NLRP1: variants seen among roughly 807,000 people sequenced by gnomAD.
The protein encoded by NLRP1 is NACHT, LRR and PYD domains-containing protein 1.
Under a neutral mutation model 136.7 loss-of-function variants are expected in NLRP1, and 94 were observed. The observed-to-expected ratio is 0.69, with a 90% CI of 0.58 to 0.82. NLRP1 has a LOEUF of 0.82. Among genes scored for constraint, NLRP1 ranks in the 40% least tolerant of loss-of-function variants. The pLI is 0.00. For synonymous variants in NLRP1, 690 were observed against 725.1 expected (o/e 0.95, Z 0.78); for missense variants, 1,575 against 1,802.7 (o/e 0.87, Z 2.29).
chr17:5,549,150 C>T (rs545731123), intron 5 of NLRP1, among the ~76,000 whole-genome samples: 6 of 152,236 alleles, frequency 3.9e-5, no homozygotes, highest in Admixed American at 3.3e-4. Flanking sequence ...TCTCTGTATA[C>T]AAGTTTTCTT....
In NLRP1 at chr17:5,527,378, C is replaced by T. The variant is rs149708865; in HGVS notation, c.3520+3103G>A. ...GCCGCAGGTTGTACAAGCTTGTGTA[C>T]GGAGTCCAAAGGGAGTAAATCCTAT... is the stretch of plus-strand genomic sequence containing the variant. On this transcript the variant is annotated intron_variant, in intron 12 of 16. Transcript: ENST00000572272. Among the ~76,000 whole-genome samples, 68 of 152,270 alleles carry T rather than the reference C, an allele frequency of 4.5e-4. No individual in the cohort carries two copies. In the East Asian group the frequency reaches 0.011, roughly 25 times the overall value.
At chr17:5,506,141 G>A (rs962952283) in intron 15 of NLRP1, among the ~76,000 whole-genome samples, 12 of 151,766 alleles carry the variant, frequency 7.9e-5, no homozygotes, top group Admixed American at 2.6e-4. Flanking sequence ...AAAATTAGCT[G>A]GGCATGGGGG....
chr17:5,577,535 A>G (rs1905140522), intron 3 of NLRP1, among the ~76,000 whole-genome samples: 1 of 152,248 alleles, frequency 6.6e-6, no homozygotes, highest in Non-Finnish European at 1.5e-5. Context: ...TAAAATACCT[A>G]GCAATCCAAC....
At position 5,583,600 on chromosome 17, in the gene NLRP1, G is replaced by T; in HGVS notation, c.271+87C>A. ...TGCTCAGAGGAAGGCCTGGCAGGGA[G>T]GGCTCAGTGGTGGGGTCCCAAGAGG... On this transcript the variant is annotated intron_variant, in intron 1 of 16. Coordinates refer to ENST00000572272, the MANE Select transcript of NLRP1 (RefSeq NM_033004.4). The surrounding 1 kb of genome is among the most constrained non-coding windows in gnomAD (Gnocchi z 4.5). 1.5e-6 allele frequency: 2 copies of T among 1,343,592 alleles called. No individual in the cohort carries two copies. Among genetic ancestry groups the T allele is most frequent in the Non-Finnish European group, 1.0e-6 (1 of 990,484 alleles). The allele number at this position is 1,343,592 out of a possible 1,614,324, so 83.2% of individuals were successfully genotyped here.
intron 3 of NLRP1, among the ~76,000 whole-genome samples, chr17:5,569,722 A>G (rs1915676023): frequency 6.6e-6 from 1 of 151,872 alleles, no homozygotes; most frequent in Non-Finnish European, 1.5e-5. Context: ...AAGGCAGAAT[A>G]CTAACAAAGA....
At chr17:5,509,911 G>A (rs1353714548), downstream of NLRP1, among the ~76,000 whole-genome samples, 1 of 152,140 alleles carries the variant, frequency 6.6e-6, no homozygotes, top group East Asian at 1.9e-4. Context: ...TGAACACAGT[G>A]ATCCTGGAAG....
intron 3 of NLRP1, among the ~76,000 whole-genome samples, chr17:5,574,272 A>G (rs1040577804): frequency 6.6e-6 from 1 of 152,204 alleles, no homozygotes; most frequent in Non-Finnish European, 1.5e-5. Flanking sequence ...GAGTAAAAAG[A>G]AACGAACAAA....
chr17:5,553,541 T>G lies in NLRP1; in HGVS notation c.2373A>C (p.Pro791=), dbSNP rs758188799. 1 of 1,614,066 alleles carries G rather than the reference T, an allele frequency of 6.2e-7. No individual in the cohort carries two copies. Among genetic ancestry groups the G allele is most frequent in the Non-Finnish European group, 8.5e-7 (1 of 1,179,916 alleles). Residue 791 remains proline, a synonymous_variant, in exon 5 of 17, where the codon CCA becomes CCC. Transcript: ENST00000572272. ...PTMVVLFRWV[P]VTDAYWQILF... Reference sequence around the variant, plus strand: ...GAATCTGCCAATAGGCATCTGTGACTGGGACCCACCTGAACCTGAGGGGGA... The same window carrying G: ...GAATCTGCCAATAGGCATCTGTGACGGGGACCCACCTGAACCTGAGGGGGA...
chr17:5,509,840 G>A (rs1418471397), downstream of NLRP1, among the ~76,000 whole-genome samples: 2 of 151,994 alleles, frequency 1.3e-5, no homozygotes, highest in Non-Finnish European at 2.9e-5. Context: ...TTTGACAGGG[G>A]TCCCTGTTCC....
At chr17:5,576,716 T>C (rs778377251) in intron 3 of NLRP1, among the ~76,000 whole-genome samples, 14 of 152,280 alleles carry the variant, frequency 9.2e-5, no homozygotes, top group African/African-American at 1.4e-4. Flanking sequence ...TCTGAAACTA[T>C]TCCAATCAAT....
chr17:5,508,745 C>A (rs535065730), intron 15 of NLRP1, among the ~76,000 whole-genome samples: 2 of 151,826 alleles, frequency 1.3e-5, no homozygotes, highest in South Asian at 2.1e-4. Context: ...AAATCAAAGT[C>A]AAAAAAACAA....
rs998800541 is a variant in NLRP1 at position 5,535,947 on chromosome 17, G to A, written c.2960+904C>T. Among the ~76,000 whole-genome samples, 8 of 152,230 alleles carry A rather than the reference G, an allele frequency of 5.3e-5. No individual in the cohort carries two copies. The South Asian group carries it at 1.2e-3, about 24-fold the overall frequency. On this transcript the variant is annotated intron_variant, in intron 8 of 16. Coordinates refer to ENST00000572272, the MANE Select transcript of NLRP1 (RefSeq NM_033004.4). ...GGTGGTGGTGAGGGTGGTGGGTGAC[G>A]GTGATGGCGAGGATGGTCTTTTTCC...
Position 5,558,572 on chromosome 17 carries a change from C to A in NLRP1, c.2124G>T (p.Gln708His), listed in dbSNP as rs1331631284. 1 of 1,613,960 alleles carries A rather than the reference C, an allele frequency of 6.2e-7. No homozygotes were observed. Among genetic ancestry groups the A allele is most frequent in the South Asian group, 1.1e-5 (1 of 91,076 alleles). The change falls in exon 4 of 17, where the codon CAG becomes CAT. Residue 708 changes from glutamine (Q) to histidine (H), a missense_variant. Transcript: ENST00000572272. ...RNLMQWVPSL[Q>H]LLLQPHSLES... The stretch of plus-strand genomic sequence containing the variant: ...CCAGAGAGTGTGGCTGCAGCAGCAG[C>A]TGCAGGGACGGGACCCACTGCATCA...
chr17:5,556,626 ATTT>A (rs35933109), intron 4 of NLRP1, among the ~76,000 whole-genome samples: 1 of 146,704 alleles, frequency 6.8e-6, no homozygotes. Context: ...TTGACCACTA[ATTT>A]TTTTTTTTTT....
At chr17:5,553,201 A>G (rs1913587592) in intron 5 of NLRP1, among the ~76,000 whole-genome samples, 185 bp downstream of exon 5, 1 of 146,786 alleles carries the variant, frequency 6.8e-6, no homozygotes, top group Admixed American at 6.6e-5. Context: ...TCACTTCATG[A>G]AGGAATTTTT....
intron 4 of NLRP1, 90 bp from the exon 5 acceptor site, chr17:5,553,646 C>T: frequency 8.1e-7 from 1 of 1,228,962 alleles, no homozygotes. Context: ...TGGGCTTTGT[C>T]CCCCTGAGCA....
intron 3 of NLRP1, among the ~76,000 whole-genome samples, chr17:5,580,550 T>C (rs574956018): frequency 6.6e-6 from 1 of 152,350 alleles, no homozygotes; most frequent in African/African-American, 2.4e-5. Flanking sequence ...TAACCCATTA[T>C]ATTTCCCCTT....
Position 5,559,308 on chromosome 17 carries a change from A to C in NLRP1, c.1388T>G (p.Leu463Arg), listed in dbSNP as rs1303214094. 7 of 1,614,208 alleles carry C rather than the reference A, an allele frequency of 4.3e-6. No homozygotes were observed. Among genetic ancestry groups the C allele is most frequent in the Middle Eastern group, 1.6e-4 (1 of 6,062 alleles). The change falls in exon 4 of 17, where the codon CTG (leucine) becomes CGG (arginine). Residue 463 changes from leucine to arginine, a missense_variant. By Grantham distance (102) the Leu-to-Arg change is moderately radical. Coordinates refer to ENST00000572272, the MANE Select transcript of NLRP1 (RefSeq NM_033004.4). Reference sequence around the variant, plus strand: ...CTCCAAAGAAGGAATGAGGTTCTGCAGAGCTGTGGTCCGAGCCGTGATCAG... The same window carrying C: ...CTCCAAAGAAGGAATGAGGTTCTGCCGAGCTGTGGTCCGAGCCGTGATCAG... ...SFLITARTTA[L>R]QNLIPSLEQA...
intron 3 of NLRP1, among the ~76,000 whole-genome samples, chr17:5,571,604 C>T (rs142131711): frequency 5.9e-4 from 90 of 152,238 alleles, no homozygotes; most frequent in Non-Finnish European, 2.1e-4. Flanking sequence ...AGAGATGATA[C>T]ACACACAAAT....
Sources: gnomAD v4.1 joint callset for allele counts (sites outside exome capture counted in the v4.1 genomes callset) on GRCh38, gnomAD v4.1.1 for gene constraint, Gnocchi (gnomAD v3.1) non-coding constraint, MANE v1.5 for transcripts, NCBI Gene and HGNC (gene_info 2026-07-23, HGNC 2026-07-21) for gene names.